Variants in JAK1 observed in about 807,000 individuals in gnomAD.
JAK1 encodes the protein Janus kinase 1, also known as tyrosine-protein kinase JAK1.
JAK1 carries 16 observed loss-of-function variants against 136.6 expected under a neutral mutation model. That is an observed-to-expected ratio of 0.12 (90% CI 0.08 to 0.18). JAK1 has a LOEUF of 0.18. Among genes scored for constraint, JAK1 ranks in the 10% least tolerant of loss-of-function variants. The probability of loss-of-function intolerance (pLI) is 1.00; values close to 1 mark genes in which losing one functional copy is unlikely to be tolerated. For synonymous variants in JAK1, 492 were observed against 519.5 expected, an observed-to-expected ratio of 0.95 and a Z score of 0.72; for missense variants, 859 against 1,450.1, an observed-to-expected ratio of 0.59 and a Z score of 6.62.
intron 1 of JAK1, among the ~76,000 whole-genome samples, chr1:64,889,232 A>T (rs1644898101): frequency 6.8e-6 from 1 of 148,132 alleles, no homozygotes. Context: ...CAAAAGGAAA[A>T]ATCATCAATG....
chr1:64,884,536 C>A (rs1335156174), intron 2 of JAK1, among the ~76,000 whole-genome samples: 1 of 152,096 alleles, frequency 6.6e-6, no homozygotes. Context: ...GCCGGCCAGC[C>A]TTCCTCACCT....
At chr1:65,056,564 C>T (rs1647548898) in intron 1 of JAK1, among the ~76,000 whole-genome samples, 1 of 152,170 alleles carries the variant, frequency 6.6e-6, no homozygotes. Flanking sequence ...TGATAATACA[C>T]CTGACCCATA....
chr1:65,021,030 G>C (rs368558496), intron 2 of JAK1, among the ~76,000 whole-genome samples: 1 of 152,144 alleles, frequency 6.6e-6, no homozygotes, highest in African/African-American at 2.4e-5. Context: ...TAAATACCCT[G>C]ATTTTGCTCC....
intron 11 of JAK1, among the ~76,000 whole-genome samples, chr1:64,855,004 G>A (rs1466902423): frequency 6.6e-6 from 1 of 152,088 alleles, no homozygotes; most frequent in African/African-American, 2.4e-5. Context: ...TTGACTCCAG[G>A]GTATGATATC....
In JAK1 at chr1:64,844,772, T is replaced by C. The variant is rs774525128; in HGVS notation, c.2233A>G (p.Thr745Ala). The C allele has an allele frequency of 2.5e-6, 4 of 1,614,036 alleles. No individual in the cohort carries two copies. Among genetic ancestry groups the C allele is most frequent in the Non-Finnish European group, 3.4e-6 (4 of 1,180,036 alleles). Residue 745 changes from threonine to alanine, a missense_variant, in exon 16 of 25, where the codon ACG becomes GCG. By Grantham distance (58) the Thr-to-Ala change is moderately conservative. Transcript: ENST00000342505. This position sits in a 1 kb window ranked among gnomAD's most constrained non-coding sequence, Gnocchi z 5.7. The part of the protein sequence containing the change: ...IKLSDPGIPI[T>A]VLSRQECIER... ...GACACACCTTGCCTAGACAGCACCG[T>C]AATGGGGATGCCGGGGTCACTGAGC...
At position 64,844,548 on chromosome 1, in the gene JAK1, C is replaced by A. The variant is rs907518590; in HGVS notation, c.2251+206G>T. ...CCAGGGTGGGGGCCATCACCCAGGG[C>A]AGGAGGACGAACGGGGGCTCGTTCA... On this transcript the variant is annotated intron_variant, in intron 16 of 24. Transcript: ENST00000342505. The surrounding 1 kb of genome is among the most constrained non-coding windows in gnomAD (Gnocchi z 5.7). Among the ~76,000 whole-genome samples, 2 of 152,168 alleles carry A rather than the reference C, an allele frequency of 1.3e-5. No homozygotes were observed. The highest frequency in any genetic ancestry group is 4.8e-5 in the African/African-American group (2 of 41,448).
intron 1 of JAK1, among the ~76,000 whole-genome samples, chr1:65,061,908 A>G (rs1647806734): frequency 6.6e-6 from 1 of 152,228 alleles, no homozygotes; most frequent in Admixed American, 6.5e-5. Flanking sequence ...CCACCGCCCT[A>G]TACAAAGTTA....
rs1444751342 is a variant in JAK1, at chr1:64,835,417, G to A, written c.3348C>T (p.Cys1116=). 1.9e-6 allele frequency: 3 copies of A among 1,603,160 alleles called. No homozygotes were observed. The highest frequency in any genetic ancestry group is 3.5e-5 in the Admixed American group (2 of 57,694). Residue 1116 remains cysteine, a synonymous_variant, in exon 24 of 25, where the codon TGC becomes TGT. Transcript: ENST00000342505. Reference sequence around the variant, plus strand: ...ATACCTCATCTGGACAGTTAGGTGGGCACGGCAGGCGTTTTCCTTCTTTTA... The same window carrying A: ...ATACCTCATCTGGACAGTTAGGTGGACACGGCAGGCGTTTTCCTTCTTTTA... The part of the protein sequence containing the change: ...NTLKEGKRLP[C]PPNCPDEVYQ...
intron 2 of JAK1, among the ~76,000 whole-genome samples, chr1:65,021,170 C>A (rs983287983): frequency 6.6e-6 from 1 of 152,140 alleles, no homozygotes; most frequent in South Asian, 2.1e-4. Flanking sequence ...CAGAATGGAG[C>A]TGGGCAAAGA....
At chr1:64,968,784 T>C (rs1646422551), upstream of JAK1, among the ~76,000 whole-genome samples, 1 of 151,954 alleles carries the variant, frequency 6.6e-6, no homozygotes, top group African/African-American at 2.4e-5. Flanking sequence ...ATACAAAAAT[T>C]AGCTGGACGT....
chr1:64,891,587 A>G (rs545491367), intron 1 of JAK1, among the ~76,000 whole-genome samples: 32 of 152,178 alleles, frequency 2.1e-4, no homozygotes, highest in African/African-American at 7.2e-4. Flanking sequence ...CCTAACCTAC[A>G]CAACAAGCCA....
chr1:64,914,613 G>C (rs1409158414), intron 1 of JAK1, among the ~76,000 whole-genome samples: 1 of 152,152 alleles, frequency 6.6e-6, no homozygotes, highest in Non-Finnish European at 1.5e-5. Flanking sequence ...ACCCAGGCTG[G>C]AGCGCAGTGG....
chr1:64,938,765 G>A (rs1027355497), intron 1 of JAK1, among the ~76,000 whole-genome samples: 1 of 152,150 alleles, frequency 6.6e-6, no homozygotes, highest in Non-Finnish European at 1.5e-5. Flanking sequence ...GCCTCCTCAT[G>A]AAGTCTCTCT....
intron 8 of JAK1, among the ~76,000 whole-genome samples, chr1:64,861,297 C>G (rs17127108): frequency 0.049 from 7,476 of 152,040 alleles, 261 homozygotes; most frequent in African/African-American, 0.1. Context: ...TAGATTAAGC[C>G]TAGGGAGCTC....
intron 24 of JAK1, among the ~76,000 whole-genome samples, chr1:64,835,049 G>C (rs1159850200): frequency 1.3e-5 from 2 of 152,006 alleles, no homozygotes; most frequent in Non-Finnish European, 2.9e-5. Flanking sequence ...TTAGAAAACT[G>C]AATTATAAAT....
At chr1:64,995,286 G>A (rs1353686853) in intron 2 of JAK1, among the ~76,000 whole-genome samples, 2 of 152,098 alleles carry the variant, frequency 1.3e-5, no homozygotes, top group Non-Finnish European at 2.9e-5. Context: ...TGGGAACTAT[G>A]CCCATTAGGC....
chr1:64,915,496 G>C (rs1645379283), intron 1 of JAK1, among the ~76,000 whole-genome samples: 1 of 152,170 alleles, frequency 6.6e-6, no homozygotes, highest in South Asian at 2.1e-4. Context: ...GCCAGAGAAA[G>C]GTGTTTGAGA....
chr1:64,840,157 G>A (rs915968383), intron 19 of JAK1, among the ~76,000 whole-genome samples: 4 of 152,234 alleles, frequency 2.6e-5, no homozygotes, highest in African/African-American at 9.6e-5. Flanking sequence ...CAGCATGGCT[G>A]AAAAGAGCAA....
intron 1 of JAK1, among the ~76,000 whole-genome samples, chr1:64,893,671 T>C (rs755127207): frequency 2.0e-5 from 3 of 152,188 alleles, no homozygotes; most frequent in Admixed American, 6.5e-5. Flanking sequence ...TCTGTGAGTA[T>C]GCGCAAGGCT....
Sources: allele counts gnomAD v4.1 joint callset (sites outside exome capture counted in the v4.1 genomes callset), GRCh38; gene constraint gnomAD v4.1.1; non-coding constraint Gnocchi (gnomAD v3.1); transcripts MANE v1.5; gene names NCBI Gene and HGNC (gene_info 2026-07-23, HGNC 2026-07-21).